Variants in CADM2 observed in about 807,000 individuals in gnomAD.
CADM2 encodes immunoglobulin superfamily member 4D.
Under a neutral mutation model 49.8 loss-of-function variants are expected in CADM2, and 12 were observed. The ratio of observed to expected loss-of-function variants is 0.24; its 90% CI spans 0.15 to 0.39. CADM2 has a LOEUF of 0.39. Ranked by LOEUF, CADM2 falls within the 10% of genes least tolerant of loss-of-function variation. The pLI is 1.00. For synonymous variants in CADM2, 214 were observed against 175.4 expected (o/e 1.22, Z -1.74); for missense variants, 378 against 492.3 (o/e 0.77, Z 2.20).
chr3:85,628,512 CAT>C lies in CADM2; in HGVS notation c.62-97998_62-97997del, dbSNP rs369987519. Among the ~76,000 whole-genome samples, 641 of 144,834 alleles carry C rather than the reference CAT, an allele frequency of 4.4e-3. 4 individuals carry two copies. Among genetic ancestry groups the C allele is most frequent in the Middle Eastern group, 0.03 (8 of 266 alleles). ...ATTTTCTCACCCCCTCTCCCATATA[CAT>C]ATATATATATACACACATATATATA... is the stretch of plus-strand genomic sequence containing the variant. On this transcript the variant is annotated intron_variant, in intron 1 of 9. Coordinates refer to ENST00000383699, the MANE Select transcript of CADM2 (RefSeq NM_001167675.2).
chr3:85,473,239 TGAGA>T (rs1056083635), intron 1 of CADM2, among the ~76,000 whole-genome samples: 1 of 152,036 alleles, frequency 6.6e-6, no homozygotes, highest in African/African-American at 2.4e-5. Context: ...CTGAGCACAG[TGAGA>T]GATAACGAAG....
At chr3:84,962,301 G>A (rs1473336756) in intron 1 of CADM2, among the ~76,000 whole-genome samples, 1 of 151,600 alleles carries the variant, frequency 6.6e-6, no homozygotes, top group Non-Finnish European at 1.5e-5. Context: ...AGAAAGAGGA[G>A]GGGGCACAAA....
intron 1 of CADM2, among the ~76,000 whole-genome samples, chr3:85,538,128 T>A (rs377138180): frequency 6.6e-6 from 1 of 152,126 alleles, no homozygotes; most frequent in Admixed American, 6.6e-5. Context: ...CTATAGTACA[T>A]CCTCCTTGGG....
chr3:84,970,349 G>A (rs2031336869), intron 1 of CADM2, among the ~76,000 whole-genome samples: 1 of 151,086 alleles, frequency 6.6e-6, no homozygotes, highest in South Asian at 2.1e-4. Context: ...TATAAGTACA[G>A]TTACTGGAAA....
chr3:85,042,909 C>T (rs2035499071), intron 1 of CADM2, among the ~76,000 whole-genome samples: 1 of 152,074 alleles, frequency 6.6e-6, no homozygotes, highest in African/African-American at 2.4e-5. Flanking sequence ...AAATGTTATT[C>T]ATTTGTACAT....
chr3:85,737,373 T>C (rs1446585784), intron 2 of CADM2, among the ~76,000 whole-genome samples: 1 of 152,194 alleles, frequency 6.6e-6, no homozygotes, highest in Non-Finnish European at 1.5e-5. Flanking sequence ...ACAAAGCTCA[T>C]GTAAAAACTG....
chr3:85,708,879 G>T (rs1577133483), intron 1 of CADM2, among the ~76,000 whole-genome samples: 1 of 151,994 alleles, frequency 6.6e-6, no homozygotes, highest in Middle Eastern at 3.4e-3. Context: ...GGTTGTATGT[G>T]TGGGACAGTT....
chr3:86,012,464 C>G lies in CADM2; in HGVS notation c.970+50817C>G, dbSNP rs1296913041. Reference sequence around the variant, plus strand: ...CGCCCGCGCGCCGGCCCTGCAGAGCCGGCCGACCTGGCTCTCCTCCGTGAC... The same window carrying G: ...CGCCCGCGCGCCGGCCCTGCAGAGCGGGCCGACCTGGCTCTCCTCCGTGAC... On this transcript the variant is annotated intron_variant, in intron 8 of 9. Transcript: ENST00000383699. 1.7e-5 allele frequency: 12 copies of G among 687,742 alleles called. No homozygotes were observed. The African/African-American group carries it at 1.7e-4, about 10-fold the overall frequency. 42.6% of individuals were successfully genotyped at this position (687,742 alleles called of 1,614,324 possible).
chr3:84,959,963 A>C, intron 1 of CADM2: 1 of 502,600 alleles, frequency 2.0e-6, no homozygotes, highest in Non-Finnish European at 3.6e-6. Context: ...TCCCCCTCCC[A>C]CGCCTTTTGG....
intron 1 of CADM2, among the ~76,000 whole-genome samples, chr3:85,327,438 T>C (rs546371074): frequency 6.6e-6 from 1 of 151,798 alleles, no homozygotes; most frequent in Non-Finnish European, 1.5e-5. Flanking sequence ...GTATTTTTAG[T>C]AGAGATGGAG....
chr3:86,042,929 G>C (rs967416126), intron 8 of CADM2, among the ~76,000 whole-genome samples: 2 of 152,034 alleles, frequency 1.3e-5, no homozygotes, highest in African/African-American at 4.8e-5. Flanking sequence ...TTCAACATAT[G>C]CAAATCAATA....
At chr3:85,977,123 T>TATA (rs1374856150) in intron 8 of CADM2, among the ~76,000 whole-genome samples, 1 of 150,954 alleles carries the variant, frequency 6.6e-6, no homozygotes, top group Non-Finnish European at 1.5e-5. Context: ...CAAATACTAC[T>TATA]ATAATAATAA....
intron 1 of CADM2, among the ~76,000 whole-genome samples, chr3:85,128,433 G>A (rs879591411): frequency 3.3e-5 from 5 of 152,056 alleles, no homozygotes; most frequent in Non-Finnish European, 7.4e-5. Flanking sequence ...TAGATTCTTT[G>A]ATGTGAACTT....
intron 2 of CADM2, among the ~76,000 whole-genome samples, chr3:85,769,262 T>TAC (rs569222686): frequency 0.056 from 2,404 of 43,196 alleles, 55 homozygotes; most frequent in East Asian, 0.19. Context: ...ATAGTATATA[T>TAC]ACACATATAT....
intron 1 of CADM2, among the ~76,000 whole-genome samples, chr3:85,118,937 C>G (rs908900147): frequency 1.3e-5 from 2 of 151,906 alleles, no homozygotes; most frequent in African/African-American, 4.8e-5. Context: ...TTAGTAGAGA[C>G]AGGGTTTCTC....
intron 1 of CADM2, among the ~76,000 whole-genome samples, chr3:85,319,535 A>T (rs1349992173): frequency 6.6e-6 from 1 of 152,244 alleles, no homozygotes; most frequent in Non-Finnish European, 1.5e-5. Context: ...AAACACAGGG[A>T]ATCAACCTAA....
intron 1 of CADM2, among the ~76,000 whole-genome samples, chr3:85,465,107 G>A (rs1251216163): frequency 6.6e-6 from 1 of 152,098 alleles, no homozygotes; most frequent in Non-Finnish European, 1.5e-5. Flanking sequence ...CTGAGATCGC[G>A]CCACTGCACT....
intron 1 of CADM2, among the ~76,000 whole-genome samples, chr3:85,578,997 A>T (rs1269791264): frequency 5.3e-5 from 8 of 152,176 alleles, no homozygotes; most frequent in Admixed American, 5.2e-4. Context: ...TGGGTTGTTG[A>T]CGTCTTATAG....
chr3:85,412,847 G>T (rs531782682), intron 1 of CADM2, among the ~76,000 whole-genome samples: 2 of 152,120 alleles, frequency 1.3e-5, no homozygotes, highest in Non-Finnish European at 2.9e-5. Context: ...GGACAGTTAT[G>T]AATTTTCCTT....
Sources: allele counts gnomAD v4.1 joint callset (sites outside exome capture counted in the v4.1 genomes callset), GRCh38; gene constraint gnomAD v4.1.1; transcripts MANE v1.5; gene names NCBI Gene and HGNC (gene_info 2026-07-23, HGNC 2026-07-21).